The following MED27 variants were observed in gnomAD, a reference collection of about 807,000 sequenced individuals.
MED27 encodes the protein mediator of RNA polymerase II transcription subunit 27.
Under a neutral mutation model 38.2 loss-of-function variants are expected in MED27, and 30 were observed. The ratio of observed to expected loss-of-function variants is 0.79; its 90% CI spans 0.59 to 1.07. The LOEUF is 1.07. Among genes scored for constraint, MED27 ranks in the 50% least tolerant of loss-of-function variants. The pLI is 0.00. For synonymous variants in MED27, 122 were observed against 153.5 expected, an observed-to-expected ratio of 0.79 and a Z score of 1.52; for missense variants, 289 against 397.5, an observed-to-expected ratio of 0.73 and a Z score of 2.32.
chr9:131,959,117 G>A (rs1390936548), intron 3 of MED27, among the ~76,000 whole-genome samples: 1 of 152,198 alleles, frequency 6.6e-6, no homozygotes, highest in African/African-American at 2.4e-5. Flanking sequence ...GGAAGACAGT[G>A]CTGTAGTTTA....
intron 3 of MED27, among the ~76,000 whole-genome samples, chr9:131,972,057 C>T (rs1260588704): frequency 6.6e-6 from 1 of 152,206 alleles, no homozygotes; most frequent in African/African-American, 2.4e-5. Context: ...TTTCTGTTTG[C>T]CTCCCTCTAT....
intron 2 of MED27, among the ~76,000 whole-genome samples, chr9:132,065,195 C>T (rs144525656): frequency 0.012 from 1,881 of 152,234 alleles, 22 homozygotes; most frequent in Middle Eastern, 0.048. Context: ...TCTACAGATT[C>T]TCATCCTTCA....
At chr9:132,020,533 G>T (rs1177123134) in intron 2 of MED27, among the ~76,000 whole-genome samples, 1 of 152,174 alleles carries the variant, frequency 6.6e-6, no homozygotes, top group African/African-American at 2.4e-5. Flanking sequence ...CTTTCAACTA[G>T]AACTAAGATT....
At chr9:131,955,803 A>G (rs1831084296) in intron 3 of MED27, among the ~76,000 whole-genome samples, 1 of 152,232 alleles carries the variant, frequency 6.6e-6, no homozygotes, top group Non-Finnish European at 1.5e-5. Context: ...TCTATCAACT[A>G]TCTAGGGAAG....
chr9:132,037,230 G>A (rs1046234135), intron 2 of MED27, among the ~76,000 whole-genome samples: 3 of 152,138 alleles, frequency 2.0e-5, no homozygotes, highest in Admixed American at 1.3e-4. Context: ...GTCACAACGC[G>A]AATAAACACG....
At chr9:131,947,889 C>A (rs1830914393) in intron 3 of MED27, among the ~76,000 whole-genome samples, 1 of 152,160 alleles carries the variant, frequency 6.6e-6, no homozygotes, top group South Asian at 2.1e-4. Flanking sequence ...GGGTAATGCC[C>A]AGTAGATATC....
intron 3 of MED27, among the ~76,000 whole-genome samples, chr9:131,973,867 G>A (rs4601460): frequency 0.41 from 61,817 of 150,748 alleles, 13,890 homozygotes; most frequent in African/African-American, 0.61. Context: ...GCCACCACGC[G>A]CGGCTGATTT....
chr9:132,047,441 G>GACACACACACAC (rs56144736), intron 2 of MED27, among the ~76,000 whole-genome samples: 1,680 of 145,250 alleles, frequency 0.012, 7 homozygotes, highest in Middle Eastern at 0.024. Flanking sequence ...TAATGTTTTA[G>GACACACACACAC]ACACACACAC....
intron 3 of MED27, among the ~76,000 whole-genome samples, chr9:131,985,498 C>T (rs550685114): frequency 1.3e-5 from 2 of 152,272 alleles, no homozygotes; most frequent in East Asian, 3.9e-4. Flanking sequence ...TGGAAAATTC[C>T]TATCACATAG....
rs1304593119 is a variant in MED27, at chr9:131,889,686, G to A, written c.681+4199C>T. ...AGCCTTGCTGGGCTGGATTCTGATG[G>A]GGAAAAAACCTGCAAGGTCTGGAAA... On this transcript the variant is annotated intron_variant, in intron 5 of 7. Transcript: ENST00000292035. The surrounding 1 kb of genome is among the most constrained non-coding windows in gnomAD (Gnocchi z 4.2). 6.6e-6 allele frequency among the ~76,000 whole-genome samples: 1 copy of A among 152,184 alleles called. No individual in the cohort carries two copies. Among genetic ancestry groups the A allele is most frequent in the Non-Finnish European group, 1.5e-5 (1 of 68,034 alleles).
chr9:132,045,869 T>A (rs1052157131), intron 2 of MED27, among the ~76,000 whole-genome samples: 1 of 152,224 alleles, frequency 6.6e-6, no homozygotes, highest in Non-Finnish European at 1.5e-5. Context: ...TTAAAGCTCA[T>A]GAGTGTTCTC....
intron 2 of MED27, among the ~76,000 whole-genome samples, chr9:132,038,108 C>T (rs1460562735): frequency 6.6e-6 from 1 of 151,660 alleles, no homozygotes; most frequent in African/African-American, 2.4e-5. Context: ...GCAGCTTCAC[C>T]AAGGCTACAC....
At chr9:132,002,925 AAAAG>A (rs1761593680) in intron 3 of MED27, among the ~76,000 whole-genome samples, 1 of 151,284 alleles carries the variant, frequency 6.6e-6, no homozygotes, top group Admixed American at 6.6e-5. Context: ...TCTCAAAAAA[AAAAG>A]AAAAAAGAAA....
chr9:131,984,022 C>A (rs548482496), intron 3 of MED27, among the ~76,000 whole-genome samples: 7 of 152,228 alleles, frequency 4.6e-5, no homozygotes, highest in African/African-American at 1.7e-4. Flanking sequence ...GTGTTCACGG[C>A]CTCAACTTGT....
intron 3 of MED27, among the ~76,000 whole-genome samples, chr9:131,954,307 T>A (rs1831052499): frequency 6.6e-6 from 1 of 152,082 alleles, no homozygotes; most frequent in African/African-American, 2.4e-5. Flanking sequence ...GAGGGCCTCC[T>A]TGATAGAAAA....
At chr9:131,893,528 G>A (rs1839262237) in intron 5 of MED27, among the ~76,000 whole-genome samples, 1 of 152,128 alleles carries the variant, frequency 6.6e-6, no homozygotes, top group Admixed American at 6.6e-5. Context: ...TTTTCCTCGT[G>A]GTTCTAGGAA....
At chr9:132,075,954 C>T (rs988253435) in intron 2 of MED27, among the ~76,000 whole-genome samples, 4 of 152,178 alleles carry the variant, frequency 2.6e-5, no homozygotes, top group African/African-American at 9.6e-5. Flanking sequence ...GTGCTCTGAG[C>T]TGAGGATCCC....
chr9:132,013,957 G>T (rs1158945507), intron 3 of MED27, among the ~76,000 whole-genome samples: 1 of 152,136 alleles, frequency 6.6e-6, no homozygotes, highest in African/African-American at 2.4e-5. Flanking sequence ...TGTAATCCCA[G>T]CACTTTGGGA....
chr9:131,904,236 G>A (rs1393791203), intron 4 of MED27, among the ~76,000 whole-genome samples: 2 of 151,550 alleles, frequency 1.3e-5, no homozygotes. Context: ...ATGGGGTTTT[G>A]CCATGTTGCC....
Sources: gnomAD v4.1 joint callset for allele counts (sites outside exome capture counted in the v4.1 genomes callset) on GRCh38, gnomAD v4.1.1 for gene constraint, Gnocchi (gnomAD v3.1) non-coding constraint, MANE v1.5 for transcripts, NCBI Gene and HGNC (gene_info 2026-07-23, HGNC 2026-07-21) for gene names.